NTSR2: variants seen among roughly 807,000 people sequenced by gnomAD.
NTSR2 encodes the protein neurotensin receptor type 2.
NTSR2 carries 22 observed loss-of-function variants against 24.1 expected under a neutral mutation model. The ratio of observed to expected loss-of-function variants is 0.91; its 90% CI spans 0.65 to 1.30. The LOEUF is 1.30. NTSR2 is among the 50% of genes most tolerant of loss of function. NTSR2 has a pLI of 0.00. For synonymous variants in NTSR2, 291 were observed against 267.0 expected, an observed-to-expected ratio of 1.09 and a Z score of -0.88; for missense variants, 570 against 570.4, an observed-to-expected ratio of 1.00 and a Z score of 0.01.
chr2:11,669,469 CCCCCCCT>C, intron 1 of NTSR2, 30 bp downstream of exon 1: 5 of 163,908 alleles, frequency 3.1e-5, no homozygotes, highest in Non-Finnish European at 6.3e-5. Flanking sequence ...CGCCCCCCCA[CCCCCCCT>C]CCCCCGACTC....
At chr2:11,669,459 C>CGGGGGGCGGGG in intron 1 of NTSR2, 47 bp downstream of exon 1, 1 of 337,896 alleles carries the variant, frequency 3.0e-6, no homozygotes, top group Non-Finnish European at 5.3e-6. Flanking sequence ...CTCCCAGCAC[C>CGGGGGGCGGGG]GCCCCCCCAC....
At chr2:11,663,664 A>T (rs1337694116) in intron 1 of NTSR2, among the ~76,000 whole-genome samples, 1 of 152,216 alleles carries the variant, frequency 6.6e-6, no homozygotes, top group Non-Finnish European at 1.5e-5. Context: ...CATAAATTTA[A>T]CCCAGCACAG....
chr2:11,669,526 C>G lies in NTSR2; in HGVS notation c.604G>C (p.Ala202Pro), dbSNP rs778860516. The G allele has an allele frequency of 2.5e-6, 3 of 1,221,532 alleles. No individual in the cohort carries two copies. The highest frequency in any genetic ancestry group is 1.7e-5 in the African/African-American group (1 of 59,690). The allele number at this position is 1,221,532 out of a possible 1,614,324, so 75.7% of individuals were successfully genotyped here. Residue 202 changes from alanine (A) to proline (P), a missense_variant, in exon 1 of 4, where the codon GCG (alanine) becomes CCG (proline). Ala to Pro is a conservative substitution (Grantham distance 27). Coordinates refer to ENST00000306928, the MANE Select transcript of NTSR2 (RefSeq NM_012344.4). ...CTTACCTGGATAAAGACTTGGAGCG[C>G]GGTGCGGCTCACCAGCACCGTGCAC... is the stretch of plus-strand genomic sequence containing the variant. ...RVCTVLVSRT[A>P]LQVFIQVNVL...
Position 11,658,325 on chromosome 2 carries a change from T to C in NTSR2, c.*154A>G. 1 of 1,045,650 alleles carries C rather than the reference T, an allele frequency of 9.6e-7. No individual in the cohort carries two copies. The allele number at this position is 1,045,650 out of a possible 1,614,324, so 64.8% of individuals were successfully genotyped here. The stretch of plus-strand genomic sequence containing the variant: ...CTGAGGCTAGGAGGGGTCACGTGGC[T>C]TCCCTGCGCTTGATGGTTCTCAGCA... On this transcript the variant is annotated 3_prime_UTR_variant, in exon 4 of 4. Transcript: ENST00000306928.
intron 1 of NTSR2, among the ~76,000 whole-genome samples, chr2:11,666,543 A>T (rs908734523): frequency 2.6e-5 from 4 of 151,870 alleles, no homozygotes; most frequent in African/African-American, 4.8e-5. Flanking sequence ...TACTAAAAAT[A>T]AAAAAATTAG....
intron 1 of NTSR2, among the ~76,000 whole-genome samples, chr2:11,667,059 T>C (rs958429545): frequency 7.2e-4 from 109 of 152,362 alleles, no homozygotes; most frequent in African/African-American, 2.4e-3. Flanking sequence ...GTTCTTGTCC[T>C]GTGGACAGAC....
At chr2:11,669,459 C>CGGGGGGCG in intron 1 of NTSR2, 47 bp downstream of exon 1, 2 of 337,896 alleles carry the variant, frequency 5.9e-6, no homozygotes, top group East Asian at 4.3e-5. Context: ...CTCCCAGCAC[C>CGGGGGGCG]GCCCCCCCAC....
Position 11,662,137 on chromosome 2 carries a change from G to A in NTSR2, c.728C>T (p.Thr243Ile). The change falls in exon 2 of 4, where the codon ACT becomes ATT. Residue 243 changes from threonine (T) to isoleucine (I), a missense_variant. Transcript: ENST00000306928. ...GGGGGTGGAGCTGCCCGGGGTAGAA[G>A]TGGACGGCACTTGGGAGCAGAGGGC... Reference protein sequence around the residue: ...LLALCSQVPSTSTPGSSTPSR... With the variant: ...LLALCSQVPSISTPGSSTPSR... The A allele has an allele frequency of 6.2e-7, 1 of 1,610,408 alleles. No individual in the cohort carries two copies. The highest frequency in any genetic ancestry group is 8.5e-7 in the Non-Finnish European group (1 of 1,178,598).
chr2:11,669,459 C>CGGGGGGGGGGGGGGGGGGGGGGGGGCG, intron 1 of NTSR2, 47 bp downstream of exon 1: 1 of 337,896 alleles, frequency 3.0e-6, no homozygotes, highest in African/African-American at 2.2e-5. Context: ...CTCCCAGCAC[C>CGGGGGGGGGGGGGGGGGGGGGGGGGCG]GCCCCCCCAC....
chr2:11,668,581 C>G (rs879590385), intron 1 of NTSR2, among the ~76,000 whole-genome samples: 2 of 152,216 alleles, frequency 1.3e-5, no homozygotes, highest in Non-Finnish European at 2.9e-5. Context: ...TGGCTCCACT[C>G]TGCTTTGTTC....
intron 2 of NTSR2, 129 bp downstream of exon 2, chr2:11,661,838 C>T: frequency 2.5e-6 from 2 of 801,668 alleles, no homozygotes; most frequent in South Asian, 4.4e-5. Flanking sequence ...TACAGTTCCC[C>T]TGGGGCATAG....
In NTSR2 at chr2:11,670,101, C is replaced by A; in HGVS notation, c.29G>T (p.Arg10Leu). The A allele has an allele frequency of 7.2e-7, 1 of 1,392,808 alleles. No individual in the cohort carries two copies. The highest frequency in any genetic ancestry group is 9.3e-7 in the Non-Finnish European group (1 of 1,079,858). 86.3% of individuals were successfully genotyped at this position (1,392,808 alleles called of 1,614,324 possible). A position where few individuals can be genotyped will look rare whatever the true frequency, so the allele number is the denominator to read the frequency against. Residue 10 changes from arginine (R) to leucine (L), a missense_variant, in exon 1 of 4, where the codon CGG (arginine) becomes CTG (leucine). Physicochemically the swap from Arg to Leu is moderately radical, Grantham distance 102 (BLOSUM62 -2). Coordinates refer to ENST00000306928, the MANE Select transcript of NTSR2 (RefSeq NM_012344.4). ...GCTCAGCCCCGGGTTGGAGCTGGGC[C>A]GCGGGGGCCGCGGGCTGCTGGTTTC... METSSPRPP[R>L]PSSNPGLSLD...
At position 11,665,841 on chromosome 2, in the gene NTSR2, A is replaced by G. The variant is rs186119126; in HGVS notation, c.625-3601T>C. On this transcript the variant is annotated intron_variant, in intron 1 of 3. Coordinates refer to ENST00000306928, the MANE Select transcript of NTSR2 (RefSeq NM_012344.4). ...CGTGGGTGCTCAAGCTTGTGAAGGA[A>G]CCACCTTTCCTCTTGGCTTTGTAGA... 3.5e-4 allele frequency: 54 copies of G among 154,220 alleles called. 1 individual carries two copies. The highest frequency in any genetic ancestry group is 1.0e-3 in the Middle Eastern group (1 of 990). The allele number at this position is 154,220 out of a possible 1,614,324, so 9.6% of individuals were successfully genotyped here.
chr2:11,669,382 A>C (rs1661272015), intron 1 of NTSR2, 124 bp downstream of exon 1: 1 of 888,040 alleles, frequency 1.1e-6, no homozygotes, highest in African/African-American at 1.8e-5. Context: ...AACAAGACCC[A>C]ACTTGCTGGG....
chr2:11,664,207 C>G (rs1661143682), intron 1 of NTSR2, among the ~76,000 whole-genome samples: 1 of 151,532 alleles, frequency 6.6e-6, no homozygotes, highest in Non-Finnish European at 1.5e-5. Flanking sequence ...ACCTCTGCCT[C>G]CTGGGCTCAA....
At chr2:11,668,268 C>T (rs193151061) in intron 1 of NTSR2, among the ~76,000 whole-genome samples, 7 of 152,282 alleles carry the variant, frequency 4.6e-5, no homozygotes, top group African/African-American at 1.7e-4. Context: ...TACCCCTGCC[C>T]AGGGGATGGA....
At chr2:11,662,351 G>T in intron 1 of NTSR2, 111 bp from the exon 2 acceptor site, 1 of 1,068,504 alleles carries the variant, frequency 9.4e-7, no homozygotes, top group South Asian at 2.5e-5. Flanking sequence ...CGGCAGAAGG[G>T]TTAGAAGATA....
Position 11,670,120 on chromosome 2 carries a change from T to G in NTSR2, c.10A>C (p.Ser4Arg). 7.3e-7 allele frequency: 1 copy of G among 1,377,966 alleles called. No individual in the cohort carries two copies. The highest frequency in any genetic ancestry group is 1.5e-5 in the African/African-American group (1 of 65,318). 85.4% of individuals were successfully genotyped at this position (1,377,966 alleles called of 1,614,324 possible). A position where few individuals can be genotyped will look rare whatever the true frequency, so the allele number is the denominator to read the frequency against. The change falls in exon 1 of 4, where the codon AGC becomes CGC. Residue 4 changes from serine (S) to arginine (R), a missense_variant. Transcript: ENST00000306928. ...CTGGGCCGCGGGGGCCGCGGGCTGC[T>G]GGTTTCCATCCCGCTCCCGCGGCCG... MET[S>R]SPRPPRPSSN...
rs1572262933 is a variant in NTSR2, at chr2:11,659,990, C to G, written c.989+53G>C. The stretch of plus-strand genomic sequence containing the variant: ...CTGGAGAGCAATGGAGACCCCAGGC[C>G]TAGCCCAGTTGGGCCCCCTCCCTGT... On this transcript the variant is annotated intron_variant, in intron 3 of 3. Transcript: ENST00000306928. 5 of 1,501,954 alleles carry G rather than the reference C, an allele frequency of 3.3e-6. No homozygotes were observed. In the East Asian group the frequency reaches 9.1e-5, roughly 27 times the overall value. The allele number at this position is 1,501,954 out of a possible 1,614,324, so 93.0% of individuals were successfully genotyped here. A position where few individuals can be genotyped will look rare whatever the true frequency, so the allele number is the denominator to read the frequency against.
Sources: gnomAD v4.1 joint callset for allele counts (sites outside exome capture counted in the v4.1 genomes callset) on GRCh38, gnomAD v4.1.1 for gene constraint, MANE v1.5 for transcripts, NCBI Gene and HGNC (gene_info 2026-07-23, HGNC 2026-07-21) for gene names.